Variants in NFIB observed in about 807,000 individuals in gnomAD.
NFIB encodes nuclear factor 1 B-type.
A neutral mutation model predicts 61.5 loss-of-function variants in NFIB; 11 were observed. That is an observed-to-expected ratio of 0.18 (90% CI 0.11 to 0.30). NFIB has a LOEUF of 0.30. NFIB is among the 10% of genes least tolerant of loss of function. NFIB has a pLI of 1.00. For missense variants in NFIB, 471 were observed against 608.9 expected (o/e 0.77, Z 2.38); for synonymous variants, 260 against 216.5 (o/e 1.20, Z -1.76).
chr9:14,223,036 C>G (rs918940765), intron 2 of NFIB, among the ~76,000 whole-genome samples: 2 of 152,114 alleles, frequency 1.3e-5, no homozygotes, highest in Non-Finnish European at 2.9e-5. Context: ...CACACATACA[C>G]TAACACTAAC....
chr9:14,353,493 C>T (rs758616912), intron 1 of NFIB, among the ~76,000 whole-genome samples: 5 of 152,042 alleles, frequency 3.3e-5, no homozygotes, highest in Non-Finnish European at 7.4e-5. Context: ...AGAATCTGAG[C>T]ATGAGGAGGA....
the NFIB span, among the ~76,000 whole-genome samples, chr9:14,407,002 A>T: frequency 4.6e-5 from 7 of 152,234 alleles, no homozygotes; most frequent in East Asian, 3.8e-4. Flanking sequence ...TAAAATTAAT[A>T]GTAGGGCTGC....
intron 3 of NFIB, among the ~76,000 whole-genome samples, chr9:14,178,363 T>A (rs2046392215): frequency 6.6e-6 from 1 of 152,112 alleles, no homozygotes; most frequent in Non-Finnish European, 1.5e-5. Flanking sequence ...ATAATATCAA[T>A]CCTCCATTCA....
chr9:14,383,331 A>T (rs530278298), intron 1 of NFIB, among the ~76,000 whole-genome samples: 1 of 152,296 alleles, frequency 6.6e-6, no homozygotes, highest in South Asian at 2.1e-4. Context: ...TACACTATTG[A>T]TTATATTTTT....
chr9:14,496,992 A>G, the NFIB span, among the ~76,000 whole-genome samples: 4 of 152,210 alleles, frequency 2.6e-5, no homozygotes, highest in Admixed American at 2.6e-4. Flanking sequence ...TTTTAGGAAC[A>G]AACCACACAA....
the NFIB span, among the ~76,000 whole-genome samples, chr9:14,465,215 C>T: frequency 6.6e-6 from 1 of 152,152 alleles, no homozygotes; most frequent in South Asian, 2.1e-4. Context: ...CTCATCCCTT[C>T]AAAAATGTAA....
rs1422338975 is a variant in NFIB, at chr9:14,364,890, AG to A, written c.108+33633del. Among the ~76,000 whole-genome samples the A allele has an allele frequency of 3.3e-5, 5 of 152,216 alleles. No individual in the cohort carries two copies. In the East Asian group the frequency reaches 9.6e-4, roughly 29 times the overall value. On this transcript the variant is annotated intron_variant, in intron 1 of 8. Coordinates refer to the NFIB transcript ENST00000380934. ...CTTCAGAGAGATGAGAGGGTAATGG[AG>A]GAACAAGACAGCAGGGTGATTTAAG... is the stretch of plus-strand genomic sequence containing the variant.
At chr9:14,414,472 C>A in the NFIB span, among the ~76,000 whole-genome samples, 2 of 142,980 alleles carry the variant, frequency 1.4e-5, no homozygotes, top group Admixed American at 7.0e-5. Flanking sequence ...TTGGACATAA[C>A]TGGATACCAA....
At chr9:14,398,156 C>T (rs905805785) in intron 1 of NFIB, among the ~76,000 whole-genome samples, 5 of 152,216 alleles carry the variant, frequency 3.3e-5, no homozygotes, top group Non-Finnish European at 7.4e-5. Flanking sequence ...AAGAAAGATA[C>T]TTATCTTCAT....
intron 1 of NFIB, among the ~76,000 whole-genome samples, chr9:14,396,353 A>G (rs1242651539): frequency 6.6e-6 from 1 of 152,076 alleles, no homozygotes; most frequent in African/African-American, 2.4e-5. Context: ...AGAAAGAATA[A>G]TGCTCCAAAA....
the NFIB span, among the ~76,000 whole-genome samples, chr9:14,463,785 C>T: frequency 6.6e-6 from 1 of 151,576 alleles, no homozygotes; most frequent in African/African-American, 2.4e-5. Context: ...CTCAGCCTCC[C>T]GAGTAGCTGG....
At chr9:14,387,370 A>G (rs1449398174) in intron 1 of NFIB, among the ~76,000 whole-genome samples, 1 of 152,226 alleles carries the variant, frequency 6.6e-6, no homozygotes, top group Non-Finnish European at 1.5e-5. Flanking sequence ...CTCCACTTGA[A>G]ACATAACTAA....
At chr9:14,231,131 A>ATATAT (rs1252546393) in intron 2 of NFIB, among the ~76,000 whole-genome samples, 10 of 75,440 alleles carry the variant, frequency 1.3e-4, no homozygotes, top group African/African-American at 5.1e-4. Context: ...AAAAAAAAAA[A>ATATAT]AAAAATATAT....
chr9:14,217,946 G>A (rs989525778), intron 2 of NFIB, among the ~76,000 whole-genome samples: 2 of 152,198 alleles, frequency 1.3e-5, no homozygotes, highest in African/African-American at 4.8e-5. Flanking sequence ...TATATGGGCA[G>A]TGGTAGAGCA....
At chr9:14,255,081 G>A (rs925671987) in intron 2 of NFIB, among the ~76,000 whole-genome samples, 1 of 152,098 alleles carries the variant, frequency 6.6e-6, no homozygotes, top group African/African-American at 2.4e-5. Context: ...AAAATAGCCA[G>A]GTGTGGTGGC....
intron 1 of NFIB, among the ~76,000 whole-genome samples, chr9:14,360,859 T>C (rs1238663945): frequency 1.3e-5 from 2 of 152,140 alleles, no homozygotes; most frequent in Admixed American, 6.5e-5. Context: ...CCTGGCCTTA[T>C]GGTGATTTTC....
chr9:14,165,328 C>T (rs542401564), intron 3 of NFIB, among the ~76,000 whole-genome samples: 125 of 151,960 alleles, frequency 8.2e-4, no homozygotes, highest in Non-Finnish European at 1.1e-3. Context: ...CCTCTCTCAT[C>T]GAAACAAAAC....
chr9:14,529,552 C>T, the NFIB span, among the ~76,000 whole-genome samples: 10 of 152,012 alleles, frequency 6.6e-5, no homozygotes, highest in Non-Finnish European at 1.0e-4. Flanking sequence ...TAAAAGTAAC[C>T]GCCATGTATT....
chr9:14,519,531 G>A, the NFIB span, among the ~76,000 whole-genome samples: 2 of 152,096 alleles, frequency 1.3e-5, no homozygotes, highest in East Asian at 1.9e-4. Context: ...TTGGCGGGGG[G>A]TTGGGAGGCA....
Sources: gnomAD v4.1 joint callset for allele counts (sites outside exome capture counted in the v4.1 genomes callset) on GRCh38, gnomAD v4.1.1 for gene constraint, MANE v1.5 for transcripts, NCBI Gene and HGNC (gene_info 2026-07-23, HGNC 2026-07-21) for gene names.